The following CFAP299 variants were observed in gnomAD, a reference collection of about 807,000 sequenced individuals.
The protein encoded by CFAP299 is cilia and flagella associated protein 299, also known as cilia- and flagella-associated protein 299.
A neutral mutation model predicts 27.0 loss-of-function variants in CFAP299; 21 were observed. The observed-to-expected ratio is 0.78, with a 90% CI of 0.55 to 1.12. The LOEUF (loss-of-function observed/expected upper bound fraction) is 1.12. Among genes scored for constraint, CFAP299 ranks in the 50% most tolerant of loss-of-function variants. The probability of loss-of-function intolerance (pLI) is 0.00; values close to 1 mark genes in which losing one functional copy is unlikely to be tolerated. For missense variants in CFAP299, 310 were observed against 276.6 expected (o/e 1.12, Z -0.86); for synonymous variants, 104 against 98.1 (o/e 1.06, Z -0.36).
At chr4:80,586,475 AT>A (rs1171693373) in intron 3 of CFAP299, among the ~76,000 whole-genome samples, 2 of 140,092 alleles carry the variant, frequency 1.4e-5, no homozygotes, top group African/African-American at 6.5e-5. Context: ...AATGTAAGAT[AT>A]TATAGCTATC....
At chr4:80,844,040 G>T (rs1308548859) in intron 3 of CFAP299, among the ~76,000 whole-genome samples, 5 of 152,142 alleles carry the variant, frequency 3.3e-5, no homozygotes, top group Non-Finnish European at 7.3e-5. Context: ...TGCTGAGAAT[G>T]ATGGTTTCCA....
At chr4:80,392,473 A>G (rs1246901913) in intron 2 of CFAP299, among the ~76,000 whole-genome samples, 1 of 152,138 alleles carries the variant, frequency 6.6e-6, no homozygotes, top group Non-Finnish European at 1.5e-5. Flanking sequence ...AGGTGATTAC[A>G]TCAAGGGAGT....
chr4:80,583,295 G>A, intron 3 of CFAP299, 112 bp downstream of exon 3: 1 of 523,044 alleles, frequency 1.9e-6, no homozygotes, highest in Non-Finnish European at 3.2e-6. Context: ...TATAAAATAT[G>A]ATTCCTCTTT....
chr4:80,939,917 T>G (rs551897393), intron 4 of CFAP299, among the ~76,000 whole-genome samples: 1 of 152,268 alleles, frequency 6.6e-6, no homozygotes, highest in East Asian at 1.9e-4. Flanking sequence ...CTTGATCCTG[T>G]TAAGTCAAGC....
At chr4:80,537,096 T>G (rs1733781758) in intron 2 of CFAP299, among the ~76,000 whole-genome samples, 1 of 152,136 alleles carries the variant, frequency 6.6e-6, no homozygotes, top group Non-Finnish European at 1.5e-5. Context: ...ATAAAAATGC[T>G]CAACATCATT....
chr4:80,497,287 A>G (rs967501409), intron 2 of CFAP299, among the ~76,000 whole-genome samples: 1 of 152,150 alleles, frequency 6.6e-6, no homozygotes, highest in Non-Finnish European at 1.5e-5. Context: ...AAACAAATAA[A>G]TAAGGAGTTT....
At chr4:80,384,830 A>T (rs1297895301) in intron 2 of CFAP299, among the ~76,000 whole-genome samples, 4 of 152,180 alleles carry the variant, frequency 2.6e-5, no homozygotes, top group African/African-American at 9.7e-5. Context: ...CTCATTCTAT[A>T]GCATTATTAC....
At chr4:80,599,629 C>T (rs542176189) in intron 3 of CFAP299, among the ~76,000 whole-genome samples, 1 of 152,098 alleles carries the variant, frequency 6.6e-6, no homozygotes, top group African/African-American at 2.4e-5. Flanking sequence ...TTTAAGGACC[C>T]ATATTAACAA....
chr4:80,924,566 GTGTC>G (rs1736216008), intron 4 of CFAP299, among the ~76,000 whole-genome samples: 1 of 144,664 alleles, frequency 6.9e-6, no homozygotes, highest in East Asian at 2.0e-4. Context: ...ATATATATCT[GTGTC>G]TGTAATTTCT....
chr4:80,534,220 T>G (rs1733614927), intron 2 of CFAP299, among the ~76,000 whole-genome samples: 1 of 151,832 alleles, frequency 6.6e-6, no homozygotes, highest in Admixed American at 6.6e-5. Context: ...TTTCTTATTT[T>G]TATAACATTG....
chr4:80,888,365 A>T (rs571795326), intron 4 of CFAP299, among the ~76,000 whole-genome samples: 9 of 152,296 alleles, frequency 5.9e-5, no homozygotes, highest in African/African-American at 1.7e-4. Context: ...AATAGATTTC[A>T]AGAAAAAAGT....
chr4:80,655,339 G>A (rs1042456397), intron 3 of CFAP299, among the ~76,000 whole-genome samples: 1 of 152,010 alleles, frequency 6.6e-6, no homozygotes, highest in Non-Finnish European at 1.5e-5. Flanking sequence ...ACAAAAATAA[G>A]CTATCGTCTA....
At chr4:80,705,024 T>C (rs1164395766) in intron 3 of CFAP299, among the ~76,000 whole-genome samples, 1 of 151,730 alleles carries the variant, frequency 6.6e-6, no homozygotes. Context: ...AAACTGCTGA[T>C]AACAATAAAG....
At chr4:80,361,251 C>T (rs1023715568) in intron 1 of CFAP299, among the ~76,000 whole-genome samples, 1 of 152,156 alleles carries the variant, frequency 6.6e-6, no homozygotes, top group Admixed American at 6.5e-5. Context: ...GTAAAGCACA[C>T]AGGGATACAA....
At chr4:80,642,930 G>T (rs931322304) in intron 3 of CFAP299, among the ~76,000 whole-genome samples, 1 of 152,026 alleles carries the variant, frequency 6.6e-6, no homozygotes, top group Middle Eastern at 3.2e-3. Flanking sequence ...AGTTGAGAGT[G>T]GGGTGGGGAC....
intron 1 of CFAP299, among the ~76,000 whole-genome samples, chr4:80,345,305 A>G (rs190218159): frequency 1.3e-5 from 2 of 152,116 alleles, no homozygotes; most frequent in East Asian, 3.9e-4. Flanking sequence ...TTTAAGTTCT[A>G]GGGTACATGT....
At chr4:80,736,728 G>C (rs1173304080) in intron 3 of CFAP299, among the ~76,000 whole-genome samples, 1 of 152,162 alleles carries the variant, frequency 6.6e-6, no homozygotes, top group Non-Finnish European at 1.5e-5. Context: ...CTGTAAACTA[G>C]TTCAACCACT....
chr4:80,724,228 A>C (rs1723012544), intron 3 of CFAP299, among the ~76,000 whole-genome samples: 1 of 152,118 alleles, frequency 6.6e-6, no homozygotes, highest in Non-Finnish European at 1.5e-5. Context: ...ATAATGTTAA[A>C]AGAAAAGTAG....
intron 4 of CFAP299, among the ~76,000 whole-genome samples, chr4:80,897,840 G>A (rs1734682056): frequency 6.6e-6 from 1 of 152,210 alleles, no homozygotes; most frequent in South Asian, 2.1e-4. Flanking sequence ...CTTCTGATTA[G>A]AGAAAACTAA....
Sources: gnomAD v4.1 joint callset for allele counts (sites outside exome capture counted in the v4.1 genomes callset) on GRCh38, gnomAD v4.1.1 for gene constraint, MANE v1.5 for transcripts, NCBI Gene and HGNC (gene_info 2026-07-23, HGNC 2026-07-21) for gene names.